The following SZT2 variants were observed in gnomAD, a reference collection of about 807,000 sequenced individuals.
SZT2 encodes the protein SZT2 subunit of KICSTOR complex.
SZT2 carries 216 observed loss-of-function variants against 404.2 expected under a neutral mutation model. That is an observed-to-expected ratio of 0.53 (90% CI 0.48 to 0.60). The LOEUF (loss-of-function observed/expected upper bound fraction) is 0.60. Ranked by LOEUF, SZT2 falls within the 20% of genes least tolerant of loss-of-function variation. The pLI, the probability that SZT2 is intolerant of heterozygous loss-of-function variation, is 0.00. For missense variants in SZT2, 3,857 were observed against 4,459.2 expected, an observed-to-expected ratio of 0.86 and a Z score of 3.85; for synonymous variants, 1,693 against 1,749.9, an observed-to-expected ratio of 0.97 and a Z score of 0.81.
rs2153935682 is a variant in SZT2, at chr1:43,441,301, C to T, written c.7432C>T (p.Arg2478Cys). 6.2e-7 allele frequency: 1 copy of T among 1,614,204 alleles called. No individual in the cohort carries two copies. Among genetic ancestry groups the T allele is most frequent in the Non-Finnish European group, 8.5e-7 (1 of 1,180,032 alleles). ...GCCAGAAGACACTCGGGGCCGGAGGCGTCACAAAACCGAGAGTGTTCGGAC... is the reference window on the plus strand; with the variant it reads ...GCCAGAAGACACTCGGGGCCGGAGGTGTCACAAAACCGAGAGTGTTCGGAC... The part of the protein sequence containing the change: ...DRPEDTRGRR[R>C]HKTESVRTPG... Residue 2478 changes from arginine to cysteine, a missense_variant, in exon 53 of 72, where the codon CGT becomes TGT. Arg to Cys is a radical substitution (Grantham distance 180). Around this residue, in one of 7 missense-constraint regions of SZT2, gnomAD observed 573 missense variants for 592.4 expected, o/e 0.97. Transcript: ENST00000634258. The surrounding 1 kb of genome is among the most constrained non-coding windows in gnomAD (Gnocchi z 4.8).
chr1:43,430,392 A>T lies in SZT2; in HGVS notation c.4480+3A>T. ...GGCTGAGCTTATGGGAGAAGAAGGTATGTGGGCAAGTGAGTCAAGGTGGGG... is the reference window on the plus strand; with the variant it reads ...GGCTGAGCTTATGGGAGAAGAAGGTTTGTGGGCAAGTGAGTCAAGGTGGGG... On this transcript the variant is annotated splice_donor_region_variant and intron_variant, in intron 31 of 71. Transcript: ENST00000634258. 4 of 1,607,984 alleles carry T rather than the reference A, an allele frequency of 2.5e-6. No individual in the cohort carries two copies. Among genetic ancestry groups the T allele is most frequent in the Non-Finnish European group, 3.4e-6 (4 of 1,177,170 alleles).
At chr1:43,399,782 T>C (rs1447458906) in intron 1 of SZT2, among the ~76,000 whole-genome samples, 1 of 151,862 alleles carries the variant, frequency 6.6e-6, no homozygotes, top group Non-Finnish European at 1.5e-5. Context: ...TTTTTTTTAA[T>C]GCAGATATAA....
In SZT2 at chr1:43,429,779, ATC is replaced by A; in HGVS notation, c.4249_4250del (p.Leu1417AspfsTer16). 1 of 1,614,166 alleles carries A rather than the reference ATC, an allele frequency of 6.2e-7. No homozygotes were observed. Reference sequence around the variant, plus strand: ...TGGCATTCCAGACCCTGGGCCAGAGATCTCTCTGACAGATGTCTGCCAGCTCA... The same window carrying A: ...TGGCATTCCAGACCCTGGGCCAGAGATCTCTGACAGATGTCTGCCAGCTCA... ...VPGIPDPGPE[I>X]SLTDVCQLRG... is the part of the protein sequence containing the mutation. On this transcript the variant is annotated frameshift_variant, in exon 29 of 72. Transcript: ENST00000634258. LOFTEE classifies it high-confidence loss of function.
rs781164275 is a variant in SZT2 at position 43,442,151 on chromosome 1, G to A, written c.7873+21G>A. On this transcript the variant is annotated intron_variant, in intron 56 of 71. Transcript: ENST00000634258. The surrounding 1 kb of genome is among the most constrained non-coding windows in gnomAD (Gnocchi z 4.5). ...GCAGGGTGAGGGCATGGCCCGGGGG[G>A]GCGGGGGGCGGGTAGGCTAAGAGTA... The A allele has an allele frequency of 8.4e-6, 13 of 1,538,854 alleles. No individual in the cohort carries two copies. Among genetic ancestry groups the A allele is most frequent in the Admixed American group, 3.4e-5 (2 of 59,288 alleles).
At position 43,453,884 on chromosome 1, in the gene SZT2, G is replaced by C. The variant is rs1325088697; in HGVS notation, c.*3404G>C. 5.7e-6 allele frequency: 7 copies of C among 1,224,778 alleles called. No homozygotes were observed. Among genetic ancestry groups the C allele is most frequent in the Non-Finnish European group, 7.1e-6 (7 of 984,338 alleles). The allele number at this position is 1,224,778 out of a possible 1,614,324, so 75.9% of individuals were successfully genotyped here. On this transcript the variant is annotated 3_prime_UTR_variant, in exon 72 of 72. Coordinates refer to ENST00000634258, the MANE Select transcript of SZT2 (RefSeq NM_001365999.1). Reference sequence around the variant, plus strand: ...GGCGGGCGGGGGCGGGGCTCTCCTTGCTGGCCCTGCGAACGAACGAGCACT... The same window carrying C: ...GGCGGGCGGGGGCGGGGCTCTCCTTCCTGGCCCTGCGAACGAACGAGCACT...
chr1:43,439,469 C>T lies in SZT2; in HGVS notation c.6877+27C>T. The T allele has an allele frequency of 6.3e-7, 1 of 1,599,814 alleles. No individual in the cohort carries two copies. The highest frequency in any genetic ancestry group is 8.5e-7 in the Non-Finnish European group (1 of 1,171,594). On this transcript the variant is annotated intron_variant, in intron 49 of 71. Transcript: ENST00000634258. This position sits in a 1 kb window ranked among gnomAD's most constrained non-coding sequence, Gnocchi z 4.2. ...TACGGTGCAGGGCACGGGCCTGTGG[C>T]ACCACCAGGTGAGGGAAAGCCTTTT...
chr1:43,414,961 C>A, intron 4 of SZT2, 121 bp from the exon 5 acceptor site: 1 of 1,303,688 alleles, frequency 7.7e-7, no homozygotes, highest in Non-Finnish European at 1.0e-6. Flanking sequence ...ATACCTTAGA[C>A]CCTGGTTGGG....
Position 43,389,917 on chromosome 1 carries a change from GTCAAGAGTGGAACACCC to G in SZT2, c.-48_-32del. 2 of 1,535,074 alleles carry G rather than the reference GTCAAGAGTGGAACACCC, an allele frequency of 1.3e-6. No homozygotes were observed. The highest frequency in any genetic ancestry group is 2.8e-5 in the African/African-American group (2 of 72,268). ...GGGTGCCGAGGTAGCGAGGTCAGGGGTCAAGAGTGGAACACCCTCACTGGCCCGGGCCGGCGCGGGAG... is the reference window on the plus strand; with the variant it reads ...GGGTGCCGAGGTAGCGAGGTCAGGGGTCACTGGCCCGGGCCGGCGCGGGAG... On this transcript the variant is annotated 5_prime_UTR_variant, in exon 1 of 72. Transcript: ENST00000634258.
In SZT2 at chr1:43,427,748, G is replaced by T; in HGVS notation, c.3803+14G>T. Reference sequence around the variant, plus strand: ...CCTCATCTTCCGGTGAGTGCCTTCAGTGTTGACCTAAGTCCTCGCCGGGCC... The same window carrying T: ...CCTCATCTTCCGGTGAGTGCCTTCATTGTTGACCTAAGTCCTCGCCGGGCC... On this transcript the variant is annotated intron_variant, in intron 26 of 71. Transcript: ENST00000634258. 6.2e-7 allele frequency: 1 copy of T among 1,612,078 alleles called. No individual in the cohort carries two copies. Among genetic ancestry groups the T allele is most frequent in the Non-Finnish European group, 8.5e-7 (1 of 1,179,586 alleles).
chr1:43,422,475 C>T lies in SZT2; in HGVS notation c.1770-5C>T, dbSNP rs1044875074. ...TCTAACCTCAGTCCACACCCCTCTT[C>T]CTAGACCAATCCCCAAGCACTTGCA... On this transcript the variant is annotated splice_polypyrimidine_tract_variant and splice_region_variant and intron_variant, in intron 12 of 71. Transcript: ENST00000634258. 8 of 1,581,456 alleles carry T rather than the reference C, an allele frequency of 5.1e-6. No individual in the cohort carries two copies. The highest frequency in any genetic ancestry group is 6.8e-6 in the Non-Finnish European group (8 of 1,171,054).
rs1325878429 is a variant in SZT2, at chr1:43,442,543, C to T, written c.8076C>T (p.Ile2692=). The T allele has an allele frequency of 6.2e-7, 1 of 1,613,970 alleles. No individual in the cohort carries two copies. The highest frequency in any genetic ancestry group is 1.3e-5 in the African/African-American group (1 of 74,936). Residue 2692 remains isoleucine, a synonymous_variant, in exon 58 of 72, where the codon ATC becomes ATT. Transcript: ENST00000634258. The surrounding 1 kb of genome is among the most constrained non-coding windows in gnomAD (Gnocchi z 4.5). Reference sequence around the variant, plus strand: ...GGCAGAATGCACGAGCCCATCTCATCTTCTGCCTACTCAGCCAGAAGCTTG... The same window carrying T: ...GGCAGAATGCACGAGCCCATCTCATTTTCTGCCTACTCAGCCAGAAGCTTG... ...VQWQNARAHL[I]FCLLSQKLGL...
At chr1:43,434,509 C>G in intron 41 of SZT2, 24 bp downstream of exon 41, 1 of 1,565,670 alleles carries the variant, frequency 6.4e-7, no homozygotes, top group Non-Finnish European at 8.7e-7. Context: ...CTCTCCAGAC[C>G]CGGACACACA....
intron 4 of SZT2, chr1:43,410,633 A>G (rs2153930807): frequency 6.6e-6 from 1 of 152,142 alleles, no homozygotes; most frequent in East Asian, 1.9e-4. Flanking sequence ...CATTGGAGAA[A>G]CGCTCCATGA....
rs946518203 is a variant in SZT2 at position 43,399,555 on chromosome 1, G to A, written c.28-3622G>A. On this transcript the variant is annotated intron_variant, in intron 1 of 71. Transcript: ENST00000634258. The stretch of plus-strand genomic sequence containing the variant: ...CGACTCACTGCAAGCTCCGCCTCCC[G>A]GGTTCACGCCATTCTCCTGCGTCAG... Among the ~76,000 whole-genome samples the A allele has an allele frequency of 3.4e-5, 5 of 146,920 alleles. 1 individual carries two copies. Among genetic ancestry groups the A allele is most frequent in the Admixed American group, 1.4e-4 (2 of 14,472 alleles).
rs764322446 is a variant in SZT2 at position 43,451,402 on chromosome 1, CGCCTCACCTCGAGGCT to C, written c.*924_*939del. Reference sequence around the variant, plus strand: ...TCCAGAGCTCCCTTCCCCAGGGCCACGCCTCACCTCGAGGCTGATACTCACAGCCCACGAAGCCTTT... The same window carrying C: ...TCCAGAGCTCCCTTCCCCAGGGCCACGATACTCACAGCCCACGAAGCCTTT... On this transcript the variant is annotated 3_prime_UTR_variant, in exon 72 of 72. Coordinates refer to ENST00000634258, the MANE Select transcript of SZT2 (RefSeq NM_001365999.1). 6.2e-7 allele frequency: 1 copy of C among 1,612,146 alleles called. No homozygotes were observed. Among genetic ancestry groups the C allele is most frequent in the East Asian group, 2.2e-5 (1 of 44,868 alleles).
intron 3 of SZT2, 131 bp from the exon 4 acceptor site, chr1:43,404,249 G>A (rs754941788): frequency 2.7e-6 from 2 of 750,376 alleles, no homozygotes; most frequent in East Asian, 2.5e-5. Context: ...ACTGTTCCAT[G>A]TGTGGCACTG....
At chr1:43,432,476 G>A in intron 37 of SZT2, 37 bp downstream of exon 37, 2 of 1,568,144 alleles carry the variant, frequency 1.3e-6, no homozygotes, top group South Asian at 1.2e-5. Context: ...GGTGGTGGGT[G>A]TGTGGGGCCT....
At position 43,442,810 on chromosome 1, in the gene SZT2, A is replaced by G. The variant is rs1424316203; in HGVS notation, c.8152-9A>G. On this transcript the variant is annotated splice_polypyrimidine_tract_variant and intron_variant, in intron 58 of 71. Transcript: ENST00000634258. This position sits in a 1 kb window ranked among gnomAD's most constrained non-coding sequence, Gnocchi z 4.5. The stretch of plus-strand genomic sequence containing the variant: ...GGCTATGAACCCATTGCAATGCTCC[A>G]TCTCTCAGGAGCCAAACCCATTCCT... 2 of 1,590,238 alleles carry G rather than the reference A, an allele frequency of 1.3e-6. No individual in the cohort carries two copies. The highest frequency in any genetic ancestry group is 8.6e-7 in the Non-Finnish European group (1 of 1,167,514).
In SZT2 at chr1:43,452,502, C is replaced by T; in HGVS notation, c.*2022C>T. On this transcript the variant is annotated 3_prime_UTR_variant, in exon 72 of 72. Transcript: ENST00000634258. ...TTCAGTGATGGCTGAGGGGCAAGCC[C>T]TTTCCCAGACATCTCAGTGTCCACC... is the stretch of plus-strand genomic sequence containing the variant. The T allele has an allele frequency of 2.9e-6, 2 of 686,922 alleles. No homozygotes were observed. Among genetic ancestry groups the T allele is most frequent in the Non-Finnish European group, 5.4e-6 (2 of 370,686 alleles). The allele number at this position is 686,922 out of a possible 1,614,324, so 42.6% of individuals were successfully genotyped here.
Sources: allele counts gnomAD v4.1 joint callset (sites outside exome capture counted in the v4.1 genomes callset), GRCh38; gene constraint gnomAD v4.1.1; regional missense constraint gnomAD v4.1.1; non-coding constraint Gnocchi (gnomAD v3.1); transcripts MANE v1.5; gene names NCBI Gene and HGNC (gene_info 2026-07-23, HGNC 2026-07-21).